APPBP2: variants seen among roughly 807,000 people sequenced by gnomAD.
The protein encoded by APPBP2 is amyloid protein-binding protein 2.
Under a neutral mutation model 76.0 loss-of-function variants are expected in APPBP2, and 15 were observed. The ratio of observed to expected loss-of-function variants is 0.20; its 90% CI spans 0.13 to 0.30. The LOEUF (loss-of-function observed/expected upper bound fraction) is 0.30, where lower values mean the gene tolerates loss of function less well. Ranked by LOEUF, APPBP2 falls within the 10% of genes least tolerant of loss-of-function variation. The pLI, the probability that APPBP2 is intolerant of heterozygous loss-of-function variation, is 1.00. For synonymous variants in APPBP2, 222 were observed against 242.2 expected (o/e 0.92, Z 0.77); for missense variants, 401 against 687.2 (o/e 0.58, Z 4.66).
intron 1 of APPBP2, among the ~76,000 whole-genome samples, chr17:60,518,698 C>T (rs1038481737): frequency 1.3e-5 from 2 of 152,042 alleles, no homozygotes; most frequent in African/African-American, 2.4e-5. Context: ...GAGACAGGGT[C>T]TCCCTATGTT....
At chr17:60,483,845 C>T (rs1000195955) in intron 3 of APPBP2, among the ~76,000 whole-genome samples, 10 of 152,200 alleles carry the variant, frequency 6.6e-5, no homozygotes, top group South Asian at 4.1e-4. Flanking sequence ...TTTTCTTCTA[C>T]GGTTTTTATG....
intron 3 of APPBP2, among the ~76,000 whole-genome samples, chr17:60,492,140 C>T (rs917484771): frequency 6.6e-6 from 1 of 152,148 alleles, no homozygotes; most frequent in African/African-American, 2.4e-5. Context: ...TTAGCAGCTC[C>T]CACATGGTGT....
intron 10 of APPBP2, 43 bp downstream of exon 10, chr17:60,456,253 A>G (rs1291656253): frequency 7.9e-7 from 1 of 1,265,086 alleles, no homozygotes. Context: ...TATACCATAT[A>G]TCATCTATTT....
chr17:60,478,112 T>C (rs989738627), intron 4 of APPBP2, among the ~76,000 whole-genome samples: 23 of 152,150 alleles, frequency 1.5e-4, no homozygotes, highest in Non-Finnish European at 3.1e-4. Context: ...ATATGAACCT[T>C]AATTCCATAA....
At chr17:60,492,614 G>A (rs1234133196) in intron 3 of APPBP2, among the ~76,000 whole-genome samples, 1 of 152,168 alleles carries the variant, frequency 6.6e-6, no homozygotes, top group Non-Finnish European at 1.5e-5. Context: ...CTACTCCACT[G>A]GATTCCAGAC....
chr17:60,461,723 T>C (rs2090477132), intron 8 of APPBP2, 87 bp downstream of exon 8: 3 of 978,952 alleles, frequency 3.1e-6, no homozygotes, highest in Non-Finnish European at 1.5e-6. Flanking sequence ...CAAAAAGTCA[T>C]TTTTAGAGTG....
chr17:60,525,031 T>C (rs1047737063), intron 1 of APPBP2, among the ~76,000 whole-genome samples: 1 of 152,214 alleles, frequency 6.6e-6, no homozygotes, highest in Non-Finnish European at 1.5e-5. Flanking sequence ...CTTGGGAGAC[T>C]TGCTGTTCAG....
intron 4 of APPBP2, among the ~76,000 whole-genome samples, chr17:60,475,713 T>G (rs9303419): frequency 0.08 from 11,553 of 144,422 alleles, 1,530 homozygotes; most frequent in African/African-American, 0.27. Flanking sequence ...CACCCCACAG[T>G]CCAGTAGTTC....
chr17:60,515,191 C>A (rs1228008960), intron 1 of APPBP2, among the ~76,000 whole-genome samples: 1 of 149,500 alleles, frequency 6.7e-6, no homozygotes, highest in Non-Finnish European at 1.5e-5. Context: ...TCTCAGCTCA[C>A]TGCAACCTCC....
intron 1 of APPBP2, among the ~76,000 whole-genome samples, chr17:60,507,975 CTTT>C (rs753633178): frequency 5.0e-5 from 7 of 141,102 alleles, no homozygotes; most frequent in Non-Finnish European, 4.7e-5. Context: ...TTTTTTCCTT[CTTT>C]TTTTTTTTTT....
chr17:60,481,345 C>T (rs1262085294), intron 3 of APPBP2, among the ~76,000 whole-genome samples: 1 of 152,108 alleles, frequency 6.6e-6, no homozygotes, highest in East Asian at 1.9e-4. Flanking sequence ...AATTCCAGCA[C>T]TTTTGGAGGC....
intron 3 of APPBP2, among the ~76,000 whole-genome samples, chr17:60,494,020 G>T (rs1160072454): frequency 6.6e-6 from 1 of 152,150 alleles, no homozygotes; most frequent in African/African-American, 2.4e-5. Context: ...AGGAAATACA[G>T]AATAACCCTC....
chr17:60,467,953 G>C (rs1466876872), intron 4 of APPBP2, among the ~76,000 whole-genome samples: 1 of 152,150 alleles, frequency 6.6e-6, no homozygotes, highest in Non-Finnish European at 1.5e-5. Flanking sequence ...GGAGAGATAA[G>C]CAAGATTTTA....
intron 4 of APPBP2, chr17:60,468,438 C>T (rs999621400): frequency 2.6e-5 from 4 of 152,226 alleles, no homozygotes; most frequent in African/African-American, 7.2e-5. Context: ...ACAGTGCTTA[C>T]TTCTCATTTC....
intron 2 of APPBP2, among the ~76,000 whole-genome samples, chr17:60,499,185 G>C (rs1598367229): frequency 3.3e-5 from 5 of 151,704 alleles, no homozygotes; most frequent in African/African-American, 1.2e-4. Flanking sequence ...AAAAAAATTA[G>C]CTGGGTGTGA....
chr17:60,488,092 C>T (rs1187410305), intron 3 of APPBP2, among the ~76,000 whole-genome samples: 1 of 152,182 alleles, frequency 6.6e-6, no homozygotes, highest in Admixed American at 6.5e-5. Context: ...CTGGAAGCTT[C>T]GTCTCAGAGG....
intron 11 of APPBP2, among the ~76,000 whole-genome samples, chr17:60,453,808 T>A (rs987248517): frequency 6.6e-6 from 1 of 152,158 alleles, no homozygotes; most frequent in African/African-American, 2.4e-5. Flanking sequence ...AGTGCTGGGA[T>A]TACAGGCATA....
At chr17:60,524,107 T>C (rs2091031385) in intron 1 of APPBP2, among the ~76,000 whole-genome samples, 1 of 152,240 alleles carries the variant, frequency 6.6e-6, no homozygotes, top group South Asian at 2.1e-4. Context: ...GTGTGAACTA[T>C]GTGAAACAGA....
Position 60,521,513 on chromosome 17 carries a change from T to G in APPBP2, c.138+4281A>C, listed in dbSNP as rs570757852. On this transcript the variant is annotated intron_variant, in intron 1 of 12. Transcript: ENST00000083182. ...TCTTTTATACTGTACCTTTTCCATGTTTAGATGAAGCTTGCCCAATGCACA... is the reference window on the plus strand; with the variant it reads ...TCTTTTATACTGTACCTTTTCCATGGTTAGATGAAGCTTGCCCAATGCACA... Among the ~76,000 whole-genome samples, 8 of 152,318 alleles carry G rather than the reference T, an allele frequency of 5.3e-5. No homozygotes were observed. The South Asian group carries it at 1.4e-3, about 28-fold the overall frequency.
Sources: allele counts gnomAD v4.1 joint callset (sites outside exome capture counted in the v4.1 genomes callset), GRCh38; gene constraint gnomAD v4.1.1; transcripts MANE v1.5; gene names NCBI Gene and HGNC (gene_info 2026-07-23, HGNC 2026-07-21).